DGKB: variants seen among roughly 807,000 people sequenced by gnomAD.
DGKB encodes the protein 90 kDa diacylglycerol kinase.
In DGKB, 67 loss-of-function variants were observed where a neutral mutation model predicts 114.3. The observed-to-expected ratio is 0.59, with a 90% CI of 0.48 to 0.72. The LOEUF is 0.72. Ranked by LOEUF, DGKB falls within the 30% of genes least tolerant of loss-of-function variation. DGKB has a pLI of 0.00. For missense variants in DGKB, 907 were observed against 975.2 expected, an observed-to-expected ratio of 0.93 and a Z score of 0.93; for synonymous variants, 398 against 323.1, an observed-to-expected ratio of 1.23 and a Z score of -2.49.
At chr7:14,325,633 C>A (rs1328739979) in intron 23 of DGKB, among the ~76,000 whole-genome samples, 3 of 152,068 alleles carry the variant, frequency 2.0e-5, no homozygotes, top group Non-Finnish European at 4.4e-5. Flanking sequence ...CAATCAGAAC[C>A]TAATTCTTCA....
At chr7:14,239,446 ATTCTCTGT>A (rs1377052066) in intron 23 of DGKB, among the ~76,000 whole-genome samples, 1 of 151,892 alleles carries the variant, frequency 6.6e-6, no homozygotes, top group Non-Finnish European at 1.5e-5. Flanking sequence ...GCCTTGTGCA[ATTCTCTGT>A]TTACTGTACA....
chr7:14,351,745 C>T (rs1411527173), intron 21 of DGKB, among the ~76,000 whole-genome samples: 2 of 152,048 alleles, frequency 1.3e-5, no homozygotes, highest in Non-Finnish European at 2.9e-5. Context: ...TAGGTATTTG[C>T]TTGTAGAAAC....
intron 21 of DGKB, among the ~76,000 whole-genome samples, chr7:14,367,179 A>G (rs1434351451): frequency 2.0e-5 from 3 of 152,044 alleles, no homozygotes; most frequent in Non-Finnish European, 4.4e-5. Flanking sequence ...TTTCCAGATA[A>G]TCTTGCCCAA....
At chr7:14,733,918 G>C (rs1831309609) in intron 5 of DGKB, among the ~76,000 whole-genome samples, 1 of 152,048 alleles carries the variant, frequency 6.6e-6, no homozygotes, top group Non-Finnish European at 1.5e-5. Flanking sequence ...TCATCATATT[G>C]TCTAAGTTTC....
chr7:14,931,391 T>C (rs764978542), intron 1 of DGKB, among the ~76,000 whole-genome samples: 4 of 152,246 alleles, frequency 2.6e-5, no homozygotes, highest in Non-Finnish European at 5.9e-5. Context: ...ATTACAGGCG[T>C]GAGCCACCGT....
intron 21 of DGKB, among the ~76,000 whole-genome samples, chr7:14,460,234 A>G (rs1299240728): frequency 1.3e-5 from 2 of 152,186 alleles, no homozygotes; most frequent in Admixed American, 6.5e-5. Context: ...ACAGGATCAA[A>G]TTCACACATA....
chr7:14,164,165 C>T (rs1784316417), intron 25 of DGKB, among the ~76,000 whole-genome samples: 1 of 152,088 alleles, frequency 6.6e-6, no homozygotes, highest in Non-Finnish European at 1.5e-5. Context: ...CTACACCTAC[C>T]TGTTAAAGCA....
chr7:14,621,516 T>C (rs943662661), intron 14 of DGKB, 22 bp from the exon 15 acceptor site: 1 of 1,355,186 alleles, frequency 7.4e-7, no homozygotes, highest in Admixed American at 2.1e-5. Flanking sequence ...AAAATTTTGA[T>C]AAAAATAAAA....
intron 5 of DGKB, among the ~76,000 whole-genome samples, chr7:14,731,273 G>T (rs1830875192): frequency 6.6e-6 from 1 of 152,126 alleles, no homozygotes; most frequent in Non-Finnish European, 1.5e-5. Context: ...GAAAGATTTG[G>T]ACATCCAGAC....
intron 1 of DGKB, among the ~76,000 whole-genome samples, chr7:14,869,931 A>G (rs111739270): frequency 3.3e-5 from 5 of 152,256 alleles, no homozygotes; most frequent in African/African-American, 9.6e-5. Context: ...AATGTTTTAT[A>G]ACCCACGATT....
chr7:14,925,629 A>G (rs1784706471), intron 1 of DGKB, among the ~76,000 whole-genome samples: 1 of 152,114 alleles, frequency 6.6e-6, no homozygotes, highest in Non-Finnish European at 1.5e-5. Context: ...TGAGATTTGT[A>G]CCTGAATATT....
At chr7:14,768,584 ACT>A (rs1315772154) in intron 2 of DGKB, among the ~76,000 whole-genome samples, 2 of 151,982 alleles carry the variant, frequency 1.3e-5, no homozygotes, top group African/African-American at 2.4e-5. Context: ...TGATATTTGC[ACT>A]GGTGTTATAA....
chr7:14,652,450 T>C (rs994827263), intron 13 of DGKB, among the ~76,000 whole-genome samples: 4 of 151,962 alleles, frequency 2.6e-5, no homozygotes, highest in South Asian at 2.1e-4. Context: ...AAGCCATATG[T>C]AGAAAGCTGA....
At chr7:14,327,454 C>G (rs1200661742) in intron 23 of DGKB, among the ~76,000 whole-genome samples, 1 of 151,908 alleles carries the variant, frequency 6.6e-6, no homozygotes, top group African/African-American at 2.4e-5. Flanking sequence ...AAAATAATAT[C>G]TAACTGCACA....
chr7:14,304,087 A>ACACACACACTCTCTCT (rs140836395), intron 23 of DGKB, among the ~76,000 whole-genome samples: 1,983 of 110,016 alleles, frequency 0.018, 38 homozygotes, highest in East Asian at 0.032. Context: ...ACACACACAC[A>ACACACACACTCTCTCT]CTCTCTCTCT....
intron 25 of DGKB, among the ~76,000 whole-genome samples, chr7:14,175,555 T>C (rs1247776190): frequency 2.6e-5 from 4 of 152,182 alleles, no homozygotes; most frequent in Admixed American, 6.5e-5. Flanking sequence ...CCCAGAGTAC[T>C]AGGATAGACC....
At chr7:14,331,656 A>T (rs1809738893) in intron 23 of DGKB, among the ~76,000 whole-genome samples, 1 of 152,098 alleles carries the variant, frequency 6.6e-6, no homozygotes, top group South Asian at 2.1e-4. Context: ...TCCAGCACTC[A>T]CCACCAGTGA....
intron 21 of DGKB, among the ~76,000 whole-genome samples, chr7:14,432,835 T>G (rs74993656): frequency 0.029 from 4,345 of 152,280 alleles, 219 homozygotes; most frequent in African/African-American, 0.098. Flanking sequence ...TTCCGCTATT[T>G]AAATGCTCCA....
chr7:14,188,255 T>A (rs1004741889), intron 23 of DGKB, among the ~76,000 whole-genome samples: 2 of 151,824 alleles, frequency 1.3e-5, no homozygotes, highest in Non-Finnish European at 2.9e-5. Flanking sequence ...ATAATAGGAG[T>A]GTCAGAGGGA....
Sources: gnomAD v4.1 joint callset for allele counts (sites outside exome capture counted in the v4.1 genomes callset) on GRCh38, gnomAD v4.1.1 for gene constraint, MANE v1.5 for transcripts, NCBI Gene and HGNC (gene_info 2026-07-23, HGNC 2026-07-21) for gene names.